The following BRAP variants were observed in gnomAD, a reference collection of about 807,000 sequenced individuals.
BRAP encodes BRCA1-associated protein.
Under a neutral mutation model 73.4 loss-of-function variants are expected in BRAP, and 42 were observed. The observed-to-expected ratio is 0.57, with a 90% CI of 0.45 to 0.74. The LOEUF is 0.74. Among genes scored for constraint, BRAP ranks in the 30% least tolerant of loss-of-function variants. BRAP has a pLI of 0.00. For synonymous variants in BRAP, 255 were observed against 267.4 expected, an observed-to-expected ratio of 0.95 and a Z score of 0.45; for missense variants, 593 against 751.4, an observed-to-expected ratio of 0.79 and a Z score of 2.46.
rs150429782 is a variant in BRAP at position 111,678,652 on chromosome 12, G to C, written c.633+499C>G. On this transcript the variant is annotated intron_variant, in intron 4 of 11. Coordinates refer to ENST00000419234, the MANE Select transcript of BRAP (RefSeq NM_006768.5). ...AGCCTGGGCGACAGAGCGAGAATTC[G>C]TCTCAAAAAGAAACAAACAAAAAAA... Among the ~76,000 whole-genome samples the C allele has an allele frequency of 9.6e-3, 1,440 of 149,984 alleles. 20 individuals are homozygous for C. The highest frequency in any genetic ancestry group is 0.034 in the African/African-American group (1,380 of 40,820).
chr12:111,660,590 C>A lies in BRAP; in HGVS notation c.972+10G>T. 1 of 1,596,410 alleles carries A rather than the reference C, an allele frequency of 6.3e-7. No individual in the cohort carries two copies. The highest frequency in any genetic ancestry group is 1.1e-5 in the South Asian group (1 of 87,994). On this transcript the variant is annotated intron_variant, in intron 7 of 11. Transcript: ENST00000419234. ...GCATTCTTTGTTCTTTTCCATCACC[C>A]ATTACTTACTTCCTGAACACCACAC...
At chr12:111,669,120 C>T (rs187550860) in intron 5 of BRAP, among the ~76,000 whole-genome samples, 10 of 152,276 alleles carry the variant, frequency 6.6e-5, no homozygotes, top group African/African-American at 1.7e-4. Flanking sequence ...CCTCCCAATA[C>T]TCCCTGTCTC....
intron 10 of BRAP, among the ~76,000 whole-genome samples, chr12:111,652,687 G>A (rs1279787045): frequency 6.6e-6 from 1 of 151,948 alleles, no homozygotes; most frequent in Non-Finnish European, 1.5e-5. Context: ...GATCAGCCTG[G>A]GCAACATAGT....
In BRAP at chr12:111,670,492, A is replaced by AT. The variant is rs1188181051; in HGVS notation, c.747+2168dup. On this transcript the variant is annotated intron_variant, in intron 5 of 11. Coordinates refer to ENST00000419234, the MANE Select transcript of BRAP (RefSeq NM_006768.5). ...GTAAAAAGACCTTCAGGTCTACTTA[A>AT]TTTTTTAATTTTGTTTTTTAGATGG... is the stretch of plus-strand genomic sequence containing the variant. 8 of 223,884 alleles carry AT rather than the reference A, an allele frequency of 3.6e-5. No homozygotes were observed. The East Asian group carries it at 4.8e-4, about 13-fold the overall frequency. 13.9% of individuals were successfully genotyped at this position (223,884 alleles called of 1,614,324 possible).
At chr12:111,649,800 G>A (rs1886250772) in intron 11 of BRAP, 139 bp downstream of exon 11, 2 of 561,506 alleles carry the variant, frequency 3.6e-6, no homozygotes, top group African/African-American at 1.9e-5. Context: ...TTTAATAAAC[G>A]AGAAGCCTGT....
intron 4 of BRAP, among the ~76,000 whole-genome samples, chr12:111,674,813 T>A (rs1020908993): frequency 6.6e-6 from 1 of 152,132 alleles, no homozygotes. Context: ...TTGAAATGCT[T>A]TTGGCTAAGT....
chr12:111,658,685 T>G (rs1246328359), intron 9 of BRAP, 51 bp downstream of exon 9: 1 of 1,309,834 alleles, frequency 7.6e-7, no homozygotes, highest in South Asian at 1.3e-5. Flanking sequence ...CAAATTAGAA[T>G]AGTAAAGAGC....
In BRAP at chr12:111,672,773, G is replaced by A. The variant is rs185194817; in HGVS notation, c.635C>T (p.Ala212Val). The A allele has an allele frequency of 1.9e-6, 3 of 1,612,886 alleles. No homozygotes were observed. The highest frequency in any genetic ancestry group is 3.3e-5 in the Admixed American group (2 of 59,846). The change falls in exon 5 of 12, where the codon GCT becomes GTT. Residue 212 changes from alanine to valine, a missense_variant and splice_region_variant. By Grantham distance (64) the Ala-to-Val change is moderately conservative. Transcript: ENST00000419234. ...YMVLIKFRAQ[A>V]DADSFYMTCN... ...TGTCATATAAAAACTATCCGCATCAGCCTATGTACACCAATGGGGAAAAGG... is the reference window on the plus strand; with the variant it reads ...TGTCATATAAAAACTATCCGCATCAACCTATGTACACCAATGGGGAAAAGG...
intron 11 of BRAP, among the ~76,000 whole-genome samples, chr12:111,649,178 A>G (rs59800733): frequency 0.016 from 2,363 of 152,230 alleles, 71 homozygotes; most frequent in African/African-American, 0.054. Flanking sequence ...TTGTTGAGAC[A>G]GGGTCTCGCT....
chr12:111,662,394 T>G (rs1886788976), intron 6 of BRAP, among the ~76,000 whole-genome samples: 1 of 152,004 alleles, frequency 6.6e-6, no homozygotes, highest in African/African-American at 2.4e-5. Context: ...CTACTAAAAA[T>G]ACAAAATTAG....
At position 111,644,281 on chromosome 12, in the gene BRAP, A is replaced by G. The variant is rs764106592; in HGVS notation, c.1697T>C (p.Met566Thr). The change falls in exon 12 of 12, where the codon ATG becomes ACG. Residue 566 changes from methionine (M) to threonine (T), a missense_variant. Transcript: ENST00000419234. ...EIQEGQINIA[M>T]ASASSPASSG... ...AGAGGCAGGGCTCGAGGCCGAGGCC[A>G]TGGCGATGTTGATCTGTCCCTCCTG... The G allele has an allele frequency of 2.5e-5, 40 of 1,613,978 alleles. No individual in the cohort carries two copies. Among genetic ancestry groups the G allele is most frequent in the Non-Finnish European group, 3.4e-5 (40 of 1,180,034 alleles).
intron 4 of BRAP, among the ~76,000 whole-genome samples, chr12:111,676,026 C>A (rs1037908752): frequency 6.6e-6 from 1 of 152,072 alleles, no homozygotes; most frequent in Non-Finnish European, 1.5e-5. Context: ...AAGCACACCC[C>A]CCCTTTTTTT....
chr12:111,682,638 G>A (rs1887649137), intron 2 of BRAP, among the ~76,000 whole-genome samples: 1 of 152,132 alleles, frequency 6.6e-6, no homozygotes, highest in Admixed American at 6.6e-5. Flanking sequence ...GTAGCCGGGT[G>A]TGGTGGCTCA....
chr12:111,664,565 G>A (rs112938247), intron 6 of BRAP, among the ~76,000 whole-genome samples: 1 of 152,244 alleles, frequency 6.6e-6, no homozygotes, highest in Non-Finnish European at 1.5e-5. Context: ...AAGCAGGGCA[G>A]TGATAAGCTG....
At chr12:111,674,661 C>T (rs941938963) in intron 4 of BRAP, among the ~76,000 whole-genome samples, 1 of 152,158 alleles carries the variant, frequency 6.6e-6, no homozygotes, top group African/African-American at 2.4e-5. Flanking sequence ...AGAGGCTTTA[C>T]TTAAGAAAAT....
rs560483710 is a variant in BRAP, at chr12:111,668,645, CT to C, written c.748-2859del. Among the ~76,000 whole-genome samples the C allele has an allele frequency of 7.1e-3, 993 of 139,236 alleles. 2 individuals carry two copies. The highest frequency in any genetic ancestry group is 0.016 in the Middle Eastern group (4 of 256). The allele number at this position is 139,236 out of a possible 152,430, so 91.3% of individuals were successfully genotyped here. ...TCAACAGTTTACATTAAAAAGAATT[CT>C]TTTTTTTTTTTTTTAATTTGTTTTT... On this transcript the variant is annotated intron_variant, in intron 5 of 11. Coordinates refer to ENST00000419234, the MANE Select transcript of BRAP (RefSeq NM_006768.5).
chr12:111,666,612 A>G (rs1455720564), intron 5 of BRAP, among the ~76,000 whole-genome samples: 1 of 152,178 alleles, frequency 6.6e-6, no homozygotes, highest in Non-Finnish European at 1.5e-5. Context: ...ATCAAATTAA[A>G]AAGCAAACAG....
intron 11 of BRAP, among the ~76,000 whole-genome samples, chr12:111,646,638 T>C (rs530972689): frequency 9.2e-5 from 14 of 152,038 alleles, no homozygotes; most frequent in African/African-American, 1.4e-4. Flanking sequence ...CCGGGTGTGG[T>C]AGCGTGTGCC....
intron 11 of BRAP, among the ~76,000 whole-genome samples, 176 bp from the exon 12 acceptor site, chr12:111,644,738 A>G (rs543929285): frequency 6.6e-6 from 1 of 152,176 alleles, no homozygotes; most frequent in African/African-American, 2.4e-5. Flanking sequence ...GCAAAGCAAG[A>G]ATTTTGCTCT....
Sources: allele counts gnomAD v4.1 joint callset (sites outside exome capture counted in the v4.1 genomes callset), GRCh38; gene constraint gnomAD v4.1.1; transcripts MANE v1.5; gene names NCBI Gene and HGNC (gene_info 2026-07-23, HGNC 2026-07-21).